TNFAIP6: variants seen among roughly 807,000 people sequenced by gnomAD.
TNFAIP6 encodes TNF alpha induced protein 6.
TNFAIP6 carries 36 observed loss-of-function variants against 33.7 expected under a neutral mutation model. The observed-to-expected ratio is 1.07, with a 90% confidence interval of 0.82 to 1.41. TNFAIP6 has a LOEUF of 1.41. TNFAIP6 is among the 40% of genes most tolerant of loss of function. TNFAIP6 has a pLI of 0.00. For missense variants in TNFAIP6, 273 were observed against 331.9 expected (o/e 0.82, Z 1.38); for synonymous variants, 113 against 112.8 (o/e 1.00, Z -0.01).
At chr2:151,360,025 G>A (rs889352739) in intron 1 of TNFAIP6, among the ~76,000 whole-genome samples, 26 of 152,202 alleles carry the variant, frequency 1.7e-4, no homozygotes, top group South Asian at 4.1e-4. Context: ...GTGGGATGCA[G>A]TGGTTCACAC....
At chr2:151,377,485 GTT>G (rs1684935498) in intron 5 of TNFAIP6, among the ~76,000 whole-genome samples, 3 of 151,604 alleles carry the variant, frequency 2.0e-5, no homozygotes, top group Non-Finnish European at 4.4e-5. Flanking sequence ...GTGTTTGTTT[GTT>G]TGTTTGTTTG....
At position 151,366,201 on chromosome 2, in the gene TNFAIP6, T is replaced by C; in HGVS notation, c.378T>C (p.Tyr126=). 1.2e-6 allele frequency: 2 copies of C among 1,614,168 alleles called. No individual in the cohort carries two copies. Among genetic ancestry groups the C allele is most frequent in the Non-Finnish European group, 1.7e-6 (2 of 1,180,010 alleles). The change falls in exon 3 of 6, where the codon TAT becomes TAC. Residue 126 remains tyrosine, a synonymous_variant. Transcript: ENST00000243347. ...RLNRSERWDA[Y]CYNPHAKECG... ...ATAGGAGTGAAAGATGGGATGCCTA[T>C]TGCTACAACCCACACGGTGTGTTAA... is the stretch of plus-strand genomic sequence containing the variant.
At position 151,375,125 on chromosome 2, in the gene TNFAIP6, C is replaced by CAA. The variant is rs71403161; in HGVS notation, c.664+1556_664+1557dup. On this transcript the variant is annotated intron_variant, in intron 5 of 5. Transcript: ENST00000243347. ...GAGCAACAAGAGCAAAACTCCGTCT[C>CAA]AAAAAAAAAAAAAAAAAAAAAGTCT... Among the ~76,000 whole-genome samples the CAA allele has an allele frequency of 4.0e-3, 314 of 78,616 alleles. 1 individual carries two copies. Among genetic ancestry groups the CAA allele is most frequent in the Middle Eastern group, 0.018 (2 of 114 alleles). 51.6% of individuals were successfully genotyped at this position (78,616 alleles called of 152,430 possible).
chr2:151,369,968 A>G lies in TNFAIP6; in HGVS notation c.395-52A>G, dbSNP rs557448439. The G allele has an allele frequency of 4.6e-4, 628 of 1,352,996 alleles. 6 individuals are homozygous for G. The South Asian group carries it at 6.3e-3, about 14-fold the overall frequency. 83.8% of individuals were successfully genotyped at this position (1,352,996 alleles called of 1,614,324 possible). On this transcript the variant is annotated intron_variant, in intron 3 of 5. Transcript: ENST00000243347. ...AGAAATGTCATTTTTAACAGGGATA[A>G]TGTTTTTCCTAATGCTTTGGGGTTT...
intron 5 of TNFAIP6, 26 bp downstream of exon 5, chr2:151,373,615 A>G (rs776644054): frequency 1.4e-6 from 2 of 1,435,616 alleles, no homozygotes; most frequent in South Asian, 1.4e-5. Context: ...GAGGACCAAA[A>G]CTATGATTTG....
At chr2:151,360,313 A>C (rs12989603) in intron 1 of TNFAIP6, among the ~76,000 whole-genome samples, 36,977 of 151,962 alleles carry the variant, frequency 0.24, 5,269 homozygotes, top group East Asian at 0.39. Flanking sequence ...AAAAAAAAGA[A>C]AGAAAGGAAA....
Position 151,379,621 on chromosome 2 carries a change from AT to A in TNFAIP6, c.*91del. On this transcript the variant is annotated 3_prime_UTR_variant, in exon 6 of 6. Transcript: ENST00000243347. ...GATCTCACTGTTATTATTAACATTT[AT>A]TTATTATTTTTCTAAATGTGAAAGC... The A allele has an allele frequency of 1.0e-6, 1 of 965,946 alleles. No individual in the cohort carries two copies. Among genetic ancestry groups the A allele is most frequent in the Non-Finnish European group, 1.4e-6 (1 of 724,444 alleles). 59.8% of individuals were successfully genotyped at this position (965,946 alleles called of 1,614,324 possible). A position where few individuals can be genotyped will look rare whatever the true frequency, so the allele number is the denominator to read the frequency against.
chr2:151,361,726 T>C (rs1184813014), intron 1 of TNFAIP6, among the ~76,000 whole-genome samples: 1 of 152,194 alleles, frequency 6.6e-6, no homozygotes, highest in Admixed American at 6.5e-5. Context: ...CGTGGTATGA[T>C]GTTCAAAGTA....
chr2:151,362,493 T>G lies in TNFAIP6; in HGVS notation c.95-1450T>G, dbSNP rs1367021075. Among the ~76,000 whole-genome samples the G allele has an allele frequency of 1.6e-3, 176 of 110,698 alleles. 3 individuals carry two copies. Among genetic ancestry groups the G allele is most frequent in the African/African-American group, 3.9e-3 (112 of 29,074 alleles). 72.6% of individuals were successfully genotyped at this position (110,698 alleles called of 152,430 possible). On this transcript the variant is annotated intron_variant, in intron 1 of 5. Transcript: ENST00000243347. ...TCTTACTAAATTCTTTTTTTTTTTT[T>G]TTTTTTTTTTTTTTTTTGAGACAGA... is the stretch of plus-strand genomic sequence containing the variant.
At chr2:151,371,822 T>C (rs990855963) in intron 4 of TNFAIP6, among the ~76,000 whole-genome samples, 5 of 152,184 alleles carry the variant, frequency 3.3e-5, no homozygotes, top group Non-Finnish European at 7.3e-5. Context: ...CTCAAACTCC[T>C]GACTTCAGGT....
chr2:151,378,917 G>A (rs765877148), intron 5 of TNFAIP6, among the ~76,000 whole-genome samples: 3 of 151,822 alleles, frequency 2.0e-5, no homozygotes, highest in Non-Finnish European at 4.4e-5. Flanking sequence ...GGCCAACATG[G>A]TGAAACCCCG....
intron 2 of TNFAIP6, among the ~76,000 whole-genome samples, chr2:151,365,490 T>G (rs976148625): frequency 2.0e-5 from 3 of 151,798 alleles, no homozygotes; most frequent in African/African-American, 7.3e-5. Context: ...AATACAAAAA[T>G]TAGCTGGGCA....
At chr2:151,379,297 C>T (rs1684974246) in intron 5 of TNFAIP6, 67 bp from the exon 6 acceptor site, 1 of 1,411,626 alleles carries the variant, frequency 7.1e-7, no homozygotes. Flanking sequence ...AATGAAGAGT[C>T]TTTGAATTGT....
intron 2 of TNFAIP6, 129 bp from the exon 3 acceptor site, chr2:151,365,927 C>G (rs895020202): frequency 1.3e-6 from 1 of 783,530 alleles, no homozygotes; most frequent in Admixed American, 2.6e-5. Flanking sequence ...GCAATTTTCT[C>G]CCTTTTACAT....
At chr2:151,373,641 C>G in intron 5 of TNFAIP6, 52 bp downstream of exon 5, 1 of 1,135,026 alleles carries the variant, frequency 8.8e-7, no homozygotes, top group Non-Finnish European at 1.2e-6. Flanking sequence ...TTACAGTGTC[C>G]CTGAAAGTAA....
At chr2:151,358,092 A>G (rs1256300637) in intron 1 of TNFAIP6, among the ~76,000 whole-genome samples, 1 of 152,216 alleles carries the variant, frequency 6.6e-6, no homozygotes, top group Non-Finnish European at 1.5e-5. Flanking sequence ...AGAAACTCCA[A>G]TATAGTCTTC....
At chr2:151,380,666 A>G (rs1684998808), downstream of TNFAIP6, among the ~76,000 whole-genome samples, 1 of 152,182 alleles carries the variant, frequency 6.6e-6, no homozygotes, top group Admixed American at 6.5e-5. Context: ...TTTCAAAGTT[A>G]CTTTTCTTAT....
At chr2:151,371,115 C>A (rs1182626418) in intron 4 of TNFAIP6, among the ~76,000 whole-genome samples, 1 of 151,984 alleles carries the variant, frequency 6.6e-6, no homozygotes, top group Non-Finnish European at 1.5e-5. Flanking sequence ...TGCCTTTCTT[C>A]TTCCTACAAA....
downstream of TNFAIP6, among the ~76,000 whole-genome samples, chr2:151,380,739 G>C (rs187146676): frequency 2.6e-5 from 4 of 152,264 alleles, no homozygotes; most frequent in African/African-American, 9.6e-5. Context: ...TTGAGGGTTT[G>C]GCTATTATCT....
Sources: allele counts gnomAD v4.1 joint callset (sites outside exome capture counted in the v4.1 genomes callset), GRCh38; gene constraint gnomAD v4.1.1; transcripts MANE v1.5; gene names NCBI Gene and HGNC (gene_info 2026-07-23, HGNC 2026-07-21).